Variants in PLVAP observed in about 807,000 individuals in gnomAD.
The protein encoded by PLVAP is plasmalemma vesicle-associated protein.
A neutral mutation model predicts 43.1 loss-of-function variants in PLVAP; 34 were observed. That is an observed-to-expected ratio of 0.79 (90% CI 0.60 to 1.05). The LOEUF is 1.05. Ranked by LOEUF, PLVAP falls within the 50% of genes least tolerant of loss-of-function variation. PLVAP has a pLI of 0.00. For missense variants in PLVAP, 574 were observed against 593.4 expected (o/e 0.97, Z 0.34); for synonymous variants, 241 against 237.3 (o/e 1.02, Z -0.14).
chr19:17,355,259 AAT>A, intron 5 of PLVAP, among the ~76,000 whole-genome samples: 2 of 146,202 alleles, frequency 1.4e-5, no homozygotes, highest in African/African-American at 5.1e-5. Flanking sequence ...TAATAATAAT[AAT>A]AAAATAAATA....
intron 1 of PLVAP, among the ~76,000 whole-genome samples, chr19:17,368,616 G>A (rs1037486698): frequency 3.9e-5 from 6 of 152,146 alleles, no homozygotes; most frequent in African/African-American, 1.4e-4. Context: ...TTTGGACACA[G>A]AGACACGGAC....
chr19:17,369,833 T>G (rs967783804), intron 1 of PLVAP, among the ~76,000 whole-genome samples: 6 of 150,296 alleles, frequency 4.0e-5, no homozygotes, highest in African/African-American at 1.5e-4. Context: ...AAACCCCATC[T>G]CTACTAAAAA....
chr19:17,364,865 C>T (rs1437579112), intron 3 of PLVAP, among the ~76,000 whole-genome samples: 5 of 149,992 alleles, frequency 3.3e-5, no homozygotes, highest in Admixed American at 6.7e-5. Context: ...CTCCACCTCC[C>T]GGGTTCAAGC....
chr19:17,360,726 T>A, intron 4 of PLVAP, 46 bp downstream of exon 4: 1 of 1,593,922 alleles, frequency 6.3e-7, no homozygotes, highest in Non-Finnish European at 8.6e-7. Flanking sequence ...GGGTTCGAGG[T>A]GGAAAGGGGC....
At chr19:17,360,039 C>T (rs2074521995) in intron 5 of PLVAP, among the ~76,000 whole-genome samples, 1 of 152,156 alleles carries the variant, frequency 6.6e-6, no homozygotes, top group Admixed American at 6.6e-5. Flanking sequence ...CATGCTCCAG[C>T]TCTTCCTCAC....
intron 5 of PLVAP, 62 bp downstream of exon 5, chr19:17,360,466 C>G: frequency 6.5e-7 from 1 of 1,534,572 alleles, no homozygotes; most frequent in South Asian, 1.1e-5. Flanking sequence ...CACCCTCAGT[C>G]CTGGTCCTAG....
In PLVAP at chr19:17,365,465, C is replaced by T. The variant is rs759964317; in HGVS notation, c.1000G>A (p.Ala334Thr). The change falls in exon 3 of 6, where the codon GCC becomes ACC. Residue 334 changes from alanine to threonine, a missense_variant. By Grantham distance (58) the Ala-to-Thr change is moderately conservative. Transcript: ENST00000252590. ...KVEKEAQARE[A>T]KLQAECSRQT... ...CGGGAGCATTCAGCTTGGAGCTTGG[C>T]CTCCCGGGCCTGAGCCTCCTTCTCC... The T allele has an allele frequency of 4.3e-6, 7 of 1,612,786 alleles. No homozygotes were observed. In the Middle Eastern group the frequency reaches 6.6e-4, roughly 152 times the overall value.
At position 17,351,609 on chromosome 19, in the gene PLVAP, CAAG is replaced by C. The variant is rs1321949900; in HGVS notation, c.*750_*752del. On this transcript the variant is annotated 3_prime_UTR_variant, in exon 6 of 6. Transcript: ENST00000252590. ...AGGGGGTCCTGGAAACACTCACGCT[CAAG>C]GAGCGGAGGTGAATGGCTTCCTGTT... 2 of 152,258 alleles carry C rather than the reference CAAG, an allele frequency of 1.3e-5. No homozygotes were observed. Among genetic ancestry groups the C allele is most frequent in the African/African-American group, 4.8e-5 (2 of 41,454 alleles). 9.4% of individuals were successfully genotyped at this position (152,258 alleles called of 1,614,324 possible). A position where few individuals can be genotyped will look rare whatever the true frequency, so the allele number is the denominator to read the frequency against.
chr19:17,358,686 G>A (rs541727235), intron 5 of PLVAP, among the ~76,000 whole-genome samples: 85 of 152,312 alleles, frequency 5.6e-4, no homozygotes, highest in African/African-American at 1.6e-3. Flanking sequence ...TGACCTGAGC[G>A]TGTGCCAGGA....
Position 17,377,296 on chromosome 19 carries a change from ATCCCGCCG to A in PLVAP, c.-16_-9del, listed in dbSNP as rs779371957. Reference sequence around the variant, plus strand: ...CTCCATGGCCAGACCCATTTGCTCGATCCCGCCGTCCGGTGCACCGTCCCTGCTCACCA... The same window carrying A: ...CTCCATGGCCAGACCCATTTGCTCGATCCGGTGCACCGTCCCTGCTCACCA... On this transcript the variant is annotated 5_prime_UTR_variant, in exon 1 of 6. Transcript: ENST00000252590. 13 of 1,601,960 alleles carry A rather than the reference ATCCCGCCG, an allele frequency of 8.1e-6. 1 individual carries two copies. Among genetic ancestry groups the A allele is most frequent in the Non-Finnish European group, 1.1e-5 (13 of 1,173,022 alleles).
At chr19:17,370,262 T>C (rs2074567174) in intron 1 of PLVAP, among the ~76,000 whole-genome samples, 1 of 152,098 alleles carries the variant, frequency 6.6e-6, no homozygotes, top group Non-Finnish European at 1.5e-5. Context: ...TTAAACATAG[T>C]TACCACGTGA....
chr19:17,356,208 G>A (rs2074506097), intron 5 of PLVAP, among the ~76,000 whole-genome samples: 1 of 152,200 alleles, frequency 6.6e-6, no homozygotes, highest in Non-Finnish European at 1.5e-5. Context: ...TACTCGGGAG[G>A]CTGAGGCATG....
chr19:17,363,971 C>T (rs1325736698), intron 3 of PLVAP, among the ~76,000 whole-genome samples: 4 of 152,032 alleles, frequency 2.6e-5, no homozygotes, highest in Admixed American at 2.6e-4. Flanking sequence ...TGGCCTCCAT[C>T]TCCTGACCTC....
chr19:17,360,974 G>T, intron 3 of PLVAP, 142 bp from the exon 4 acceptor site: 1 of 745,962 alleles, frequency 1.3e-6, no homozygotes, highest in Non-Finnish European at 2.1e-6. Flanking sequence ...GAGTGCAGTG[G>T]TGTGATCTTG....
chr19:17,367,132 T>TG (rs554989528), intron 1 of PLVAP, among the ~76,000 whole-genome samples: 64 of 151,238 alleles, frequency 4.2e-4, no homozygotes, highest in Admixed American at 7.3e-4. Flanking sequence ...TCCTTAGAGA[T>TG]GGGGGTTTTA....
rs138938961 is a variant in PLVAP at position 17,365,854 on chromosome 19, C to T, written c.611G>A (p.Arg204Gln). 237 of 1,614,094 alleles carry T rather than the reference C, an allele frequency of 1.5e-4. No homozygotes were observed. The African/African-American group carries it at 2.7e-3, about 18-fold the overall frequency. Reference protein sequence around the residue: ...EEQLVECVKTRELQHQERQLA... With the variant: ...EEQLVECVKTQELQHQERQLA... ...CTGGCGCTCTTGGTGCTGCAGCTCC[C>T]GGGTTTTCACGCATTCAACCAGCTG... Residue 204 changes from arginine to glutamine, a missense_variant, in exon 3 of 6, where the codon CGG (arginine) becomes CAG (glutamine). Transcript: ENST00000252590.
Position 17,377,060 on chromosome 19 carries a change from G to A in PLVAP, c.229C>T (p.Leu77Phe). The A allele has an allele frequency of 6.2e-7, 1 of 1,614,184 alleles. No individual in the cohort carries two copies. The highest frequency in any genetic ancestry group is 8.5e-7 in the Non-Finnish European group (1 of 1,180,032). Residue 77 changes from leucine (L) to phenylalanine (F), a missense_variant, in exon 1 of 6, where the codon CTC (leucine) becomes TTC (phenylalanine). Physicochemically the swap from Leu to Phe is conservative, Grantham distance 22. Coordinates refer to ENST00000252590, the MANE Select transcript of PLVAP (RefSeq NM_031310.3). Reference sequence around the variant, plus strand: ...GTCAAGTTGGACTGGGAGGCCGTGAGCCCTAGGAGCTGACTGTATAGGCCC... The same window carrying A: ...GTCAAGTTGGACTGGGAGGCCGTGAACCCTAGGAGCTGACTGTATAGGCCC... ...AEGLYSQLLG[L>F]TASQSNLTKE...
At chr19:17,352,446 C>T (rs1422352298) in intron 5 of PLVAP, 78 bp from the exon 6 acceptor site, 7 of 1,510,324 alleles carry the variant, frequency 4.6e-6, no homozygotes, top group East Asian at 2.3e-5. Flanking sequence ...CCTGGAGGCT[C>T]GTCCTCAGCG....
In PLVAP at chr19:17,365,842, T is replaced by G; in HGVS notation, c.623A>C (p.His208Pro). 1 of 1,614,154 alleles carries G rather than the reference T, an allele frequency of 6.2e-7. No individual in the cohort carries two copies. The highest frequency in any genetic ancestry group is 8.5e-7 in the Non-Finnish European group (1 of 1,180,026). The change falls in exon 3 of 6, where the codon CAC becomes CCC. Residue 208 changes from histidine (H) to proline (P), a missense_variant. Physicochemically the swap from His to Pro is moderately conservative, Grantham distance 77. Transcript: ENST00000252590. ...CTCCTTGGCCAGCTGGCGCTCTTGG[T>G]GCTGCAGCTCCCGGGTTTTCACGCA... ...VECVKTRELQ[H>P]QERQLAKEQL...
Sources: allele counts gnomAD v4.1 joint callset (sites outside exome capture counted in the v4.1 genomes callset), GRCh38; gene constraint gnomAD v4.1.1; transcripts MANE v1.5; gene names NCBI Gene and HGNC (gene_info 2026-07-23, HGNC 2026-07-21).